Variants in UPK1B observed in about 807,000 individuals in gnomAD.
UPK1B encodes uroplakin 1B, also known as uroplakin-1b.
A neutral mutation model predicts 34.2 loss-of-function variants in UPK1B; 28 were observed. That is an observed-to-expected ratio of 0.82 (90% CI 0.61 to 1.12). The LOEUF is 1.12. Ranked by LOEUF, UPK1B falls within the 50% of genes most tolerant of loss-of-function variation. The probability of loss-of-function intolerance (pLI) is 0.00; values close to 1 mark genes in which losing one functional copy is unlikely to be tolerated. For synonymous variants in UPK1B, 81 were observed against 110.4 expected, an observed-to-expected ratio of 0.73 and a Z score of 1.67; for missense variants, 325 against 320.9, an observed-to-expected ratio of 1.01 and a Z score of -0.10.
chr3:119,186,939 A>G (rs1033302317), intron 2 of UPK1B, 129 bp downstream of exon 2: 1 of 903,316 alleles, frequency 1.1e-6, no homozygotes, highest in Non-Finnish European at 1.7e-6. Context: ...CTTCATTTTA[A>G]GAAATGTGTT....
chr3:119,202,925 T>A (rs2078098634), intron 7 of UPK1B, among the ~76,000 whole-genome samples: 1 of 152,034 alleles, frequency 6.6e-6, no homozygotes, highest in African/African-American at 2.4e-5. Flanking sequence ...AGAACTGGGA[T>A]CAGAACGTGG....
chr3:119,179,682 T>A (rs1168981898), intron 1 of UPK1B, among the ~76,000 whole-genome samples: 1 of 149,592 alleles, frequency 6.7e-6, no homozygotes, highest in Non-Finnish European at 1.5e-5. Context: ...GCTAACTTTG[T>A]ATTTTTGGTA....
At chr3:119,196,955 T>C (rs1021367966) in intron 6 of UPK1B, among the ~76,000 whole-genome samples, 1 of 151,978 alleles carries the variant, frequency 6.6e-6, no homozygotes, top group South Asian at 2.1e-4. Context: ...GTGATCCTCC[T>C]TTCCACCTCA....
At chr3:119,190,908 A>G in intron 4 of UPK1B, 74 bp from the exon 5 acceptor site, 2 of 1,585,190 alleles carry the variant, frequency 1.3e-6, no homozygotes, top group Non-Finnish European at 1.7e-6. Context: ...AGGAAAAGAC[A>G]GAGAAAAATA....
At chr3:119,203,120 A>G (rs1057035242) in intron 7 of UPK1B, among the ~76,000 whole-genome samples, 2 of 152,064 alleles carry the variant, frequency 1.3e-5, no homozygotes, top group Non-Finnish European at 2.9e-5. Context: ...AGACGGGCAA[A>G]TCACGAGGTC....
chr3:119,196,774 G>A (rs913423094), intron 6 of UPK1B, among the ~76,000 whole-genome samples: 2 of 152,008 alleles, frequency 1.3e-5, no homozygotes, highest in Non-Finnish European at 2.9e-5. Context: ...TCTTGACCTT[G>A]TGATCCACCC....
chr3:119,194,516 A>C, intron 6 of UPK1B, 118 bp downstream of exon 6: 1 of 1,005,558 alleles, frequency 9.9e-7, no homozygotes, highest in Non-Finnish European at 1.4e-6. Flanking sequence ...TTTTCCCTAA[A>C]CCTCATGTTA....
At chr3:119,186,635 A>T in intron 1 of UPK1B, 79 bp from the exon 2 acceptor site, 1 of 1,073,434 alleles carries the variant, frequency 9.3e-7, no homozygotes, top group Non-Finnish European at 1.4e-6. Context: ...ATGCTTTGGG[A>T]ACAAGGAGGC....
chr3:119,201,405 A>G (rs1426997204), intron 7 of UPK1B, among the ~76,000 whole-genome samples: 2 of 152,204 alleles, frequency 1.3e-5, no homozygotes, highest in Admixed American at 6.5e-5. Context: ...GCGAAGTAGG[A>G]GCAAAGGCAT....
intron 3 of UPK1B, 135 bp from the exon 4 acceptor site, chr3:119,190,110 A>G (rs568330849): frequency 4.3e-5 from 27 of 626,364 alleles, no homozygotes; most frequent in South Asian, 3.2e-4. Context: ...CCACTGGTCA[A>G]TGAGGGTTTG....
Position 119,194,309 on chromosome 3 carries a change from C to T in UPK1B, c.559C>T (p.Pro187Ser). 1 of 1,614,030 alleles carries T rather than the reference C, an allele frequency of 6.2e-7. No individual in the cohort carries two copies. The highest frequency in any genetic ancestry group is 8.5e-7 in the Non-Finnish European group (1 of 1,179,926). ...GAATAATGATGCTGACTATCCCTGG[C>T]CTCGTCAATGCTGTGTTATGAACAA... Reference protein sequence around the residue: ...TENNDADYPWPRQCCVMNNLK... With the variant: ...TENNDADYPWSRQCCVMNNLK... The change falls in exon 6 of 8, where the codon CCT becomes TCT. Residue 187 changes from proline (P) to serine (S), a missense_variant. Pro to Ser is a moderately conservative substitution (Grantham distance 74). Transcript: ENST00000264234.
intron 3 of UPK1B, among the ~76,000 whole-genome samples, chr3:119,188,405 T>C (rs1273201791): frequency 6.6e-6 from 1 of 152,364 alleles, no homozygotes; most frequent in East Asian, 1.9e-4. Flanking sequence ...ATATAAAATA[T>C]AAAATATGCA....
At chr3:119,199,650 A>G (rs546748062) in intron 7 of UPK1B, among the ~76,000 whole-genome samples, 95 of 152,308 alleles carry the variant, frequency 6.2e-4, no homozygotes, top group African/African-American at 2.1e-3. Context: ...CTACACATTA[A>G]AACGCCATGG....
chr3:119,190,405 G>T, intron 4 of UPK1B, 86 bp downstream of exon 4: 1 of 971,910 alleles, frequency 1.0e-6, no homozygotes. Flanking sequence ...ATGTGCCCAG[G>T]CAATCCAATA....
At chr3:119,191,351 G>GTT (rs1466062491) in intron 5 of UPK1B, among the ~76,000 whole-genome samples, 1 of 152,160 alleles carries the variant, frequency 6.6e-6, no homozygotes, top group African/African-American at 2.4e-5. Context: ...ATTACTGCCT[G>GTT]TTTCGCCTTT....
rs906779339 is a variant in UPK1B at position 119,199,081 on chromosome 3, C to T, written c.673C>T (p.Pro225Ser). 2 of 1,614,174 alleles carry T rather than the reference C, an allele frequency of 1.2e-6. No homozygotes were observed. Among genetic ancestry groups the T allele is most frequent in the Non-Finnish European group, 1.7e-6 (2 of 1,180,024 alleles). ...GGGCTGCTATGAACTGATCTCTGGTCCAATGAACCGACACGCCTGGGGGGT... is the reference window on the plus strand; with the variant it reads ...GGGCTGCTATGAACTGATCTCTGGTTCAATGAACCGACACGCCTGGGGGGT... ...NQGCYELISG[P>S]MNRHAWGVAW... is the part of the protein sequence containing the mutation. The change falls in exon 7 of 8, where the codon CCA becomes TCA. Residue 225 changes from proline to serine, a missense_variant. Physicochemically the swap from Pro to Ser is moderately conservative, Grantham distance 74 (BLOSUM62 -1). Transcript: ENST00000264234.
chr3:119,195,239 A>G (rs1445226216), intron 6 of UPK1B, among the ~76,000 whole-genome samples: 1 of 152,248 alleles, frequency 6.6e-6, no homozygotes, highest in Non-Finnish European at 1.5e-5. Context: ...AAAAGCCCTG[A>G]TGAGAACCTC....
At chr3:119,175,103 C>T (rs2077949591) in intron 1 of UPK1B, among the ~76,000 whole-genome samples, 1 of 133,540 alleles carries the variant, frequency 7.5e-6, no homozygotes, top group Non-Finnish European at 1.5e-5. Flanking sequence ...TCTCTGCTCA[C>T]TGCAAGCTCT....
chr3:119,191,331 T>G lies in UPK1B; in HGVS notation c.468+227T>G, dbSNP rs530342514. 9.2e-5 allele frequency among the ~76,000 whole-genome samples: 14 copies of G among 152,334 alleles called. 1 individual carries two copies. The South Asian group carries it at 2.3e-3, about 25-fold the overall frequency. On this transcript the variant is annotated intron_variant, in intron 5 of 7. Transcript: ENST00000264234. ...ATATTTTCTCTACCCCACAGTGAAC[T>G]CGAGTGGTAATTACTGCCTGTTTCG...
Sources: gnomAD v4.1 joint callset for allele counts (sites outside exome capture counted in the v4.1 genomes callset) on GRCh38, gnomAD v4.1.1 for gene constraint, MANE v1.5 for transcripts, NCBI Gene and HGNC (gene_info 2026-07-23, HGNC 2026-07-21) for gene names.